MACO1: variants seen among roughly 807,000 people sequenced by gnomAD.
The protein encoded by MACO1 is macoilin.
MACO1 carries 14 observed loss-of-function variants against 78.7 expected under a neutral mutation model. The observed-to-expected ratio is 0.18, with a 90% CI of 0.12 to 0.28. The LOEUF is 0.28. Ranked by LOEUF, MACO1 falls within the 10% of genes least tolerant of loss-of-function variation. The pLI is 1.00. For synonymous variants in MACO1, 288 were observed against 291.6 expected, an observed-to-expected ratio of 0.99 and a Z score of 0.12; for missense variants, 501 against 799.0, an observed-to-expected ratio of 0.63 and a Z score of 4.50.
intron 1 of MACO1, among the ~76,000 whole-genome samples, chr1:25,440,767 CAA>C (rs71815906): frequency 0.47 from 50,466 of 106,630 alleles, 9,737 homozygotes; most frequent in Non-Finnish European, 0.57. Flanking sequence ...GACTCCATCT[CAA>C]AAAAAAAAAA....
At chr1:25,481,411 T>C (rs568993021) in intron 6 of MACO1, among the ~76,000 whole-genome samples, 1 of 152,278 alleles carries the variant, frequency 6.6e-6, no homozygotes, top group South Asian at 2.1e-4. Context: ...CCTGGAAGAT[T>C]ACACACCTTG....
At chr1:25,438,775 C>T (rs1030727525) in intron 1 of MACO1, among the ~76,000 whole-genome samples, 1 of 152,090 alleles carries the variant, frequency 6.6e-6, no homozygotes, top group African/African-American at 2.4e-5. Flanking sequence ...TGGTAGCATG[C>T]GCCTGTAATC....
chr1:25,470,113 G>A (rs2043254616), intron 6 of MACO1, among the ~76,000 whole-genome samples: 1 of 152,132 alleles, frequency 6.6e-6, no homozygotes, highest in Non-Finnish European at 1.5e-5. Context: ...CATAATCAGT[G>A]GATTCAATAT....
chr1:25,441,437 A>G (rs2042971761), intron 1 of MACO1, among the ~76,000 whole-genome samples: 1 of 152,208 alleles, frequency 6.6e-6, no homozygotes. Context: ...CACCCGCCTC[A>G]GCCTCCCAAA....
intron 3 of MACO1, among the ~76,000 whole-genome samples, chr1:25,450,031 A>G (rs1275426407): frequency 6.6e-6 from 1 of 152,162 alleles, no homozygotes; most frequent in African/African-American, 2.4e-5. Context: ...AAAACACACA[A>G]CAAAACAACA....
At chr1:25,437,832 G>A (rs905715614) in intron 1 of MACO1, among the ~76,000 whole-genome samples, 1 of 152,122 alleles carries the variant, frequency 6.6e-6, no homozygotes, top group Admixed American at 6.5e-5. Flanking sequence ...GAGGCGGGAG[G>A]ATCACGTGAG....
chr1:25,472,347 A>G (rs1425143573), intron 6 of MACO1, among the ~76,000 whole-genome samples: 1 of 152,016 alleles, frequency 6.6e-6, no homozygotes, highest in Non-Finnish European at 1.5e-5. Flanking sequence ...TATTTCTCCT[A>G]ATGCTATCCC....
intron 9 of MACO1, 43 bp downstream of exon 9, chr1:25,489,336 T>G: frequency 1.2e-6 from 2 of 1,605,164 alleles, no homozygotes; most frequent in Non-Finnish European, 8.5e-7. Flanking sequence ...TGAATTCCAC[T>G]TTTATGCTAA....
At chr1:25,462,335 G>T (rs1270874140) in intron 6 of MACO1, among the ~76,000 whole-genome samples, 4 of 151,828 alleles carry the variant, frequency 2.6e-5, no homozygotes, top group African/African-American at 9.7e-5. Flanking sequence ...GCATTCATAT[G>T]CAGGTTTGTT....
At chr1:25,479,473 G>A (rs151247133) in intron 6 of MACO1, among the ~76,000 whole-genome samples, 11,121 of 151,968 alleles carry the variant, frequency 0.073, 1,334 homozygotes, top group African/African-American at 0.25. Context: ...GAGTGCAGTG[G>A]TGTGATCTTG....
rs1237605323 is a variant in MACO1 at position 25,473,589 on chromosome 1, T to TA, written c.1155-10526dup. Among the ~76,000 whole-genome samples the TA allele has an allele frequency of 1.3e-4, 20 of 152,342 alleles. 1 individual carries two copies. Among genetic ancestry groups the TA allele is most frequent in the South Asian group, 4.1e-4 (2 of 4,824 alleles). The stretch of plus-strand genomic sequence containing the variant: ...CTCCCTAGAATTGAGAAGGAACTAT[T>TA]ACAAAACTTTGAAAGGCTTTGTGTT... On this transcript the variant is annotated intron_variant, in intron 6 of 10. Coordinates refer to ENST00000374343, the MANE Select transcript of MACO1 (RefSeq NM_018202.6).
At chr1:25,440,266 G>A (rs1396570219) in intron 1 of MACO1, among the ~76,000 whole-genome samples, 20 of 150,410 alleles carry the variant, frequency 1.3e-4, no homozygotes, top group Non-Finnish European at 2.7e-4. Flanking sequence ...AAGCATGGTG[G>A]TATGTGCCCG....
At chr1:25,494,230 A>G (rs1012141310) in intron 10 of MACO1, among the ~76,000 whole-genome samples, 1 of 152,188 alleles carries the variant, frequency 6.6e-6, no homozygotes, top group Non-Finnish European at 1.5e-5. Context: ...TGAGCCCAGC[A>G]AAAAAGTAGA....
At chr1:25,440,107 G>T (rs2042956449) in intron 1 of MACO1, among the ~76,000 whole-genome samples, 8 of 151,716 alleles carry the variant, frequency 5.3e-5, no homozygotes, top group Admixed American at 5.3e-4. Context: ...ATTAAAACTG[G>T]CTGGATGTGG....
intron 1 of MACO1, among the ~76,000 whole-genome samples, chr1:25,432,060 C>G (rs972210252): frequency 1.3e-5 from 2 of 152,150 alleles, no homozygotes; most frequent in African/African-American, 2.4e-5. Context: ...CTGTTATTTT[C>G]TGGTTCTTCT....
intron 6 of MACO1, among the ~76,000 whole-genome samples, chr1:25,482,430 C>CT (rs1377661232): frequency 6.6e-6 from 1 of 152,152 alleles, no homozygotes; most frequent in Non-Finnish European, 1.5e-5. Context: ...CTGTTCTATC[C>CT]TTTCCTACTC....
chr1:25,431,191 AC>A lies in MACO1; in HGVS notation c.80+18del. 1 of 1,578,706 alleles carries A rather than the reference AC, an allele frequency of 6.3e-7. No individual in the cohort carries two copies. The highest frequency in any genetic ancestry group is 8.6e-7 in the Non-Finnish European group (1 of 1,166,866). ...GCATTTACGGCAGGTGAGCGGCTGC[AC>A]CCCCACTCCGCGGGCGCGGGCCCTG... On this transcript the variant is annotated intron_variant, in intron 1 of 10. Coordinates refer to ENST00000374343, the MANE Select transcript of MACO1 (RefSeq NM_018202.6).
At chr1:25,469,209 A>G (rs2043245905) in intron 6 of MACO1, among the ~76,000 whole-genome samples, 1 of 152,184 alleles carries the variant, frequency 6.6e-6, no homozygotes, top group Non-Finnish European at 1.5e-5. Context: ...ATCTAGAGAA[A>G]TATTTTTAGA....
chr1:25,467,029 C>T (rs989533710), intron 6 of MACO1, among the ~76,000 whole-genome samples: 6 of 152,060 alleles, frequency 3.9e-5, no homozygotes, highest in African/African-American at 4.8e-5. Context: ...GAGGCCAAGG[C>T]GGGTGGATCA....
Sources: allele counts gnomAD v4.1 joint callset (sites outside exome capture counted in the v4.1 genomes callset), GRCh38; gene constraint gnomAD v4.1.1; transcripts MANE v1.5; gene names NCBI Gene and HGNC (gene_info 2026-07-23, HGNC 2026-07-21).